The following YAE1 variants were observed in gnomAD, a reference collection of about 807,000 sequenced individuals.
YAE1 encodes the protein protein YAE1 homolog.
In YAE1, 22 loss-of-function variants were observed where a neutral mutation model predicts 23.0. The observed-to-expected ratio is 0.96, with a 90% CI of 0.68 to 1.37. The LOEUF (loss-of-function observed/expected upper bound fraction) is 1.37, where lower values mean the gene tolerates loss of function less well. Ranked by LOEUF, YAE1 falls within the 40% of genes most tolerant of loss-of-function variation. YAE1 has a pLI of 0.00. For synonymous variants in YAE1, 101 were observed against 97.0 expected (o/e 1.04, Z -0.24); for missense variants, 260 against 262.1 (o/e 0.99, Z 0.06).
At chr7:39,567,285 A>G (rs1250819643) in intron 1 of YAE1, among the ~76,000 whole-genome samples, 1 of 152,194 alleles carries the variant, frequency 6.6e-6, no homozygotes, top group East Asian at 1.9e-4. Context: ...CCCAAAAACC[A>G]TGTTGTCAAT....
chr7:39,583,695 T>A lies in YAE1; in HGVS notation c.251+13068T>A, dbSNP rs186546143. On this transcript the variant is annotated intron_variant, in intron 2 of 2. Transcript: ENST00000432096. ...AGATCTGAGCCTCCTACTTTCCAAA[T>A]GTGTAAGATCTATAAAATGGAGGTA... 3.3e-5 allele frequency among the ~76,000 whole-genome samples: 5 copies of A among 152,320 alleles called. No homozygotes were observed. In the East Asian group the frequency reaches 9.6e-4, roughly 29 times the overall value.
intron 2 of YAE1, among the ~76,000 whole-genome samples, chr7:39,587,871 G>C (rs1420085973): frequency 2.6e-5 from 4 of 152,092 alleles, no homozygotes; most frequent in Non-Finnish European, 5.9e-5. Context: ...TAAAAACCCT[G>C]CTTTAAAGAT....
intron 2 of YAE1, among the ~76,000 whole-genome samples, chr7:39,579,831 C>G (rs1203450564): frequency 6.6e-6 from 1 of 151,832 alleles, no homozygotes; most frequent in African/African-American, 2.4e-5. Context: ...TCACTTGAGC[C>G]CAGGAGTTTG....
At chr7:39,573,394 T>C (rs1022962031), downstream of YAE1, among the ~76,000 whole-genome samples, 1 of 152,210 alleles carries the variant, frequency 6.6e-6, no homozygotes, top group South Asian at 2.1e-4. Flanking sequence ...GCCAGATTAT[T>C]TTAAACTGCA....
At chr7:39,597,559 T>G (rs1468797234) in intron 2 of YAE1, among the ~76,000 whole-genome samples, 1 of 152,206 alleles carries the variant, frequency 6.6e-6, no homozygotes, top group Non-Finnish European at 1.5e-5. Flanking sequence ...TCCTAAGTTA[T>G]GTTTTGCTTT....
intron 2 of YAE1, among the ~76,000 whole-genome samples, chr7:39,604,610 G>A (rs1791103196): frequency 6.6e-6 from 1 of 151,996 alleles, no homozygotes; most frequent in Admixed American, 6.6e-5. Context: ...ACTTGGATTG[G>A]GCAACTTGAA....
chr7:39,567,967 G>T (rs1790501545), intron 1 of YAE1, among the ~76,000 whole-genome samples: 1 of 152,132 alleles, frequency 6.6e-6, no homozygotes, highest in Non-Finnish European at 1.5e-5. Flanking sequence ...CCATCCTGTT[G>T]ATTTCTACCT....
chr7:39,566,631 A>G, intron 1 of YAE1, 84 bp downstream of exon 1: 1 of 1,567,380 alleles, frequency 6.4e-7, no homozygotes, highest in Admixed American at 1.8e-5. Context: ...GAGTGGCCCC[A>G]GCCTGGCCCG....
chr7:39,592,110 T>G (rs1450762238), intron 2 of YAE1, among the ~76,000 whole-genome samples: 5 of 152,262 alleles, frequency 3.3e-5, no homozygotes. Context: ...TTCTTCCAGT[T>G]TTCAGCAATT....
At chr7:39,593,948 C>T (rs1045008115) in intron 2 of YAE1, among the ~76,000 whole-genome samples, 4 of 152,164 alleles carry the variant, frequency 2.6e-5, no homozygotes, top group African/African-American at 7.2e-5. Context: ...TGGTTGATCA[C>T]ATTTTCCTGT....
At chr7:39,571,903 T>TA (rs1034466637) in intron 2 of YAE1, among the ~76,000 whole-genome samples, 9 of 151,932 alleles carry the variant, frequency 5.9e-5, no homozygotes, top group Non-Finnish European at 8.8e-5. Flanking sequence ...CTCTGAAACT[T>TA]AAAAAAAAGA....
At chr7:39,592,464 A>G (rs544618483) in intron 2 of YAE1, among the ~76,000 whole-genome samples, 2 of 152,362 alleles carry the variant, frequency 1.3e-5, no homozygotes, top group East Asian at 1.9e-4. Context: ...TTATAAACCC[A>G]TGATAAATTT....
chr7:39,585,026 CT>C (rs1260171451), intron 2 of YAE1, among the ~76,000 whole-genome samples: 2 of 152,156 alleles, frequency 1.3e-5, no homozygotes, highest in Non-Finnish European at 2.9e-5. Context: ...TTCAAATGTC[CT>C]TCATAGATAA....
chr7:39,609,146 A>G (rs1001532599), intron 2 of YAE1, among the ~76,000 whole-genome samples: 1 of 152,232 alleles, frequency 6.6e-6, no homozygotes, highest in Non-Finnish European at 1.5e-5. Context: ...GAAGAATCAC[A>G]GGATAACTGT....
Position 39,571,232 on chromosome 7 carries a change from A to G in YAE1, c.251+605A>G, listed in dbSNP as rs185438887. The stretch of plus-strand genomic sequence containing the variant: ...CAAATTCATAAACTTTCTTAAAACA[A>G]TATGAGCATTATGAAATTTTTTTCA... On this transcript the variant is annotated intron_variant, in intron 2 of 2. Transcript: ENST00000223273. Among the ~76,000 whole-genome samples the G allele has an allele frequency of 2.0e-5, 3 of 151,492 alleles. No homozygotes were observed. The East Asian group carries it at 5.8e-4, about 29-fold the overall frequency.
At chr7:39,576,882 T>C (rs564205059), downstream of YAE1, among the ~76,000 whole-genome samples, 55 of 152,340 alleles carry the variant, frequency 3.6e-4, no homozygotes, top group African/African-American at 1.3e-3. Flanking sequence ...TACATTCTTT[T>C]GTAAATCTTT....
At chr7:39,588,243 G>A (rs1050412400) in intron 2 of YAE1, among the ~76,000 whole-genome samples, 5 of 152,236 alleles carry the variant, frequency 3.3e-5, no homozygotes, top group African/African-American at 1.2e-4. Flanking sequence ...CGGACGTGGT[G>A]GCTCACGCCT....
At chr7:39,595,265 T>C (rs901276405) in intron 2 of YAE1, among the ~76,000 whole-genome samples, 2 of 152,128 alleles carry the variant, frequency 1.3e-5, no homozygotes, top group African/African-American at 2.4e-5. Flanking sequence ...GCTGGGAACA[T>C]TTCCAAGCAT....
At chr7:39,606,591 G>A (rs1340109274) in intron 2 of YAE1, among the ~76,000 whole-genome samples, 1 of 152,158 alleles carries the variant, frequency 6.6e-6, no homozygotes, top group African/African-American at 2.4e-5. Flanking sequence ...GTGAATGGTG[G>A]TACACAGATA....
Sources: allele counts gnomAD v4.1 joint callset (sites outside exome capture counted in the v4.1 genomes callset), GRCh38; gene constraint gnomAD v4.1.1; transcripts MANE v1.5; gene names NCBI Gene and HGNC (gene_info 2026-07-23, HGNC 2026-07-21).